Variants in VAPB observed in about 807,000 individuals in gnomAD.
VAPB encodes the protein vesicle-associated membrane protein-associated protein B/C.
VAPB carries 7 observed loss-of-function variants against 25.6 expected under a neutral mutation model. The observed-to-expected ratio is 0.27, with a 90% CI of 0.16 to 0.51. The LOEUF (loss-of-function observed/expected upper bound fraction) is 0.51, where lower values mean the gene tolerates loss of function less well. Ranked by LOEUF, VAPB falls within the 20% of genes least tolerant of loss-of-function variation. The probability of loss-of-function intolerance (pLI) is 0.97; values close to 1 mark genes in which losing one functional copy is unlikely to be tolerated. For missense variants in VAPB, 266 were observed against 301.3 expected, an observed-to-expected ratio of 0.88 and a Z score of 0.87; for synonymous variants, 112 against 109.2, an observed-to-expected ratio of 1.03 and a Z score of -0.16.
At position 58,445,283 on chromosome 20, in the gene VAPB, G is replaced by A. The variant is rs763602650; in HGVS notation, c.*1048G>A. ...CTCTCAACCATTACTCACACTTCCA[G>A]CGCCCAGGTCCAAGTCTGAGCCTGA... On this transcript the variant is annotated 3_prime_UTR_variant, in exon 6 of 6. Transcript: ENST00000475243. The A allele has an allele frequency of 4.4e-6, 2 of 454,310 alleles. No homozygotes were observed. The highest frequency in any genetic ancestry group is 8.8e-6 in the Non-Finnish European group (2 of 226,758). The allele number at this position is 454,310 out of a possible 1,614,324, so 28.1% of individuals were successfully genotyped here. A position where few individuals can be genotyped will look rare whatever the true frequency, so the allele number is the denominator to read the frequency against.
At chr20:58,392,396 A>T (rs1271997963) in intron 1 of VAPB, among the ~76,000 whole-genome samples, 1 of 152,210 alleles carries the variant, frequency 6.6e-6, no homozygotes, top group Non-Finnish European at 1.5e-5. Flanking sequence ...TATTTTTGCT[A>T]GGGAAGTGGT....
intron 2 of VAPB, 56 bp from the exon 3 acceptor site, chr20:58,434,546 T>C (rs1446069555): frequency 1.1e-6 from 1 of 872,094 alleles, no homozygotes; most frequent in Non-Finnish European, 2.0e-6. Flanking sequence ...ATTAGCATAA[T>C]AAATGGCACT....
chr20:58,440,436 G>A (rs1437825546), intron 4 of VAPB: 6 of 169,674 alleles, frequency 3.5e-5, no homozygotes. Flanking sequence ...CACTGAGTTT[G>A]TTTCACCTTC....
chr20:58,428,755 G>C (rs554394267), intron 2 of VAPB, among the ~76,000 whole-genome samples: 1 of 152,230 alleles, frequency 6.6e-6, no homozygotes, highest in Non-Finnish European at 1.5e-5. Flanking sequence ...GCAACATTCT[G>C]TCATGTTTTT....
intron 1 of VAPB, among the ~76,000 whole-genome samples, chr20:58,410,732 AT>A (rs1988357784): frequency 6.6e-6 from 1 of 152,012 alleles, no homozygotes; most frequent in African/African-American, 2.4e-5. Context: ...CCAACACCTT[AT>A]CTTTTTATTG....
Position 58,424,022 on chromosome 20 carries a change from A to G in VAPB, c.211+5659A>G, listed in dbSNP as rs530780889. 1.6e-4 allele frequency among the ~76,000 whole-genome samples: 25 copies of G among 152,328 alleles called. No individual in the cohort carries two copies. In the South Asian group the frequency reaches 2.3e-3, roughly 14 times the overall value. ...AAGAATTGTTACTTTTTTTGTGACT[A>G]TGACACAGTTTATTCTTTACATTTT... On this transcript the variant is annotated intron_variant, in intron 2 of 5. Coordinates refer to ENST00000475243, the MANE Select transcript of VAPB (RefSeq NM_004738.5).
At chr20:58,398,717 C>T (rs1221816321) in intron 1 of VAPB, among the ~76,000 whole-genome samples, 2 of 152,148 alleles carry the variant, frequency 1.3e-5, no homozygotes, top group South Asian at 2.1e-4. Flanking sequence ...TTTTTCTAAG[C>T]GTTCATTTAT....
rs549913295 is a variant in VAPB, at chr20:58,447,630, G to C, written c.*3395G>C. 9 of 451,452 alleles carry C rather than the reference G, an allele frequency of 2.0e-5. No individual in the cohort carries two copies. The highest frequency in any genetic ancestry group is 1.8e-4 in the African/African-American group (9 of 48,968). The allele number at this position is 451,452 out of a possible 1,614,324, so 28.0% of individuals were successfully genotyped here. ...GAGCTCAGAGCTACAGAGCCTTTCAGATGAATTTGAAAACAGACTCTGTGT... is the reference window on the plus strand; with the variant it reads ...GAGCTCAGAGCTACAGAGCCTTTCACATGAATTTGAAAACAGACTCTGTGT... On this transcript the variant is annotated 3_prime_UTR_variant, in exon 6 of 6. Coordinates refer to ENST00000475243, the MANE Select transcript of VAPB (RefSeq NM_004738.5).
intron 2 of VAPB, among the ~76,000 whole-genome samples, chr20:58,424,665 A>AC (rs1347233572): frequency 6.6e-6 from 1 of 152,254 alleles, no homozygotes; most frequent in African/African-American, 2.4e-5. Flanking sequence ...TATTTATAAA[A>AC]AAGAGTGAAT....
chr20:58,397,376 G>A (rs1235826869), intron 1 of VAPB, among the ~76,000 whole-genome samples: 3 of 151,974 alleles, frequency 2.0e-5, no homozygotes, highest in Non-Finnish European at 2.9e-5. Flanking sequence ...AAAATTAGCC[G>A]GGCATGGTAG....
At chr20:58,409,317 T>C (rs547650233) in intron 1 of VAPB, among the ~76,000 whole-genome samples, 80 of 152,346 alleles carry the variant, frequency 5.3e-4, no homozygotes, top group African/African-American at 1.9e-3. Context: ...ATAGGATACT[T>C]TTTAATGTAA....
chr20:58,447,758 T>G lies in VAPB; in HGVS notation c.*3523T>G, dbSNP rs1568724726. 2.2e-6 allele frequency: 1 copy of G among 453,886 alleles called. No individual in the cohort carries two copies. The highest frequency in any genetic ancestry group is 4.4e-6 in the Non-Finnish European group (1 of 226,548). 28.1% of individuals were successfully genotyped at this position (453,886 alleles called of 1,614,324 possible). On this transcript the variant is annotated 3_prime_UTR_variant, in exon 6 of 6. Coordinates refer to ENST00000475243, the MANE Select transcript of VAPB (RefSeq NM_004738.5). Reference sequence around the variant, plus strand: ...TATATTTTTTTGCATACACAAATTTTTGTGTTTGCAAACTCAGAATCCATG... The same window carrying G: ...TATATTTTTTTGCATACACAAATTTGTGTGTTTGCAAACTCAGAATCCATG...
intron 2 of VAPB, among the ~76,000 whole-genome samples, chr20:58,434,341 GA>G (rs1191981111): frequency 6.6e-6 from 1 of 152,162 alleles, no homozygotes; most frequent in Non-Finnish European, 1.5e-5. Context: ...TTGCAGTAGT[GA>G]AAGATCCATG....
intron 1 of VAPB, among the ~76,000 whole-genome samples, chr20:58,416,144 G>T (rs1214055833): frequency 6.6e-6 from 1 of 152,110 alleles, no homozygotes; most frequent in Non-Finnish European, 1.5e-5. Context: ...AGAAATCTGG[G>T]ATGTTTATTT....
At position 58,418,551 on chromosome 20, in the gene VAPB, G is replaced by T. The variant is rs990062295; in HGVS notation, c.211+188G>T. 4.6e-4 allele frequency among the ~76,000 whole-genome samples: 59 copies of T among 128,790 alleles called. No homozygotes were observed. In the Admixed American group the frequency reaches 5.5e-3, roughly 12 times the overall value. The allele number at this position is 128,790 out of a possible 152,430, so 84.5% of individuals were successfully genotyped here. A position where few individuals can be genotyped will look rare whatever the true frequency, so the allele number is the denominator to read the frequency against. ...TCAGAAAGCTGGGTCCCAGTCGCCT[G>T]TTTTTTTCATAATTAATGCCTCCTT... On this transcript the variant is annotated intron_variant, in intron 2 of 5. Transcript: ENST00000475243.
intron 1 of VAPB, among the ~76,000 whole-genome samples, chr20:58,393,784 G>C (rs1272979131): frequency 6.6e-6 from 1 of 152,120 alleles, no homozygotes; most frequent in African/African-American, 2.4e-5. Flanking sequence ...TCAGGCTGGA[G>C]TGCAATGGCG....
At position 58,444,180 on chromosome 20, in the gene VAPB, C is replaced by T. The variant is rs2123105103; in HGVS notation, c.677C>T (p.Ala226Val). The T allele has an allele frequency of 6.2e-7, 1 of 1,614,188 alleles. No individual in the cohort carries two copies. The highest frequency in any genetic ancestry group is 8.5e-7 in the Non-Finnish European group (1 of 1,180,044). ...GAAGGCCTTAGCACCCGGCTCTTGGCTCTGGTGGTTTTGTTCTTTATCGTT... is the reference window on the plus strand; with the variant it reads ...GAAGGCCTTAGCACCCGGCTCTTGGTTCTGGTGGTTTTGTTCTTTATCGTT... ...KEEGLSTRLLALVVLFFIVGV... is the reference protein window; with the variant it reads ...KEEGLSTRLLVLVVLFFIVGV... The change falls in exon 6 of 6, where the codon GCT becomes GTT. Residue 226 changes from alanine to valine, a missense_variant. This residue lies in a region of VAPB where 136 missense variants were observed against 130.7 expected (regional missense o/e 1.04). Coordinates refer to ENST00000475243, the MANE Select transcript of VAPB (RefSeq NM_004738.5).
chr20:58,443,165 C>T (rs530351710), intron 5 of VAPB, among the ~76,000 whole-genome samples: 10 of 151,886 alleles, frequency 6.6e-5, no homozygotes, highest in African/African-American at 2.4e-4. Context: ...AGTTTGGGGA[C>T]AAGGGGAGGG....
Position 58,449,802 on chromosome 20 carries a change from T to G in VAPB, c.*5567T>G, listed in dbSNP as rs1989393073. ...TGTGGGTGCAGGACAGATGCTCGCT[T>G]GCTGGCCTGCTTTCCTGCTTGCATT... On this transcript the variant is annotated 3_prime_UTR_variant, in exon 6 of 6. Transcript: ENST00000475243. The G allele has an allele frequency of 2.2e-6, 1 of 454,012 alleles. No individual in the cohort carries two copies. The highest frequency in any genetic ancestry group is 2.0e-5 in the African/African-American group (1 of 50,028). 28.1% of individuals were successfully genotyped at this position (454,012 alleles called of 1,614,324 possible).
Sources: gnomAD v4.1 joint callset for allele counts (sites outside exome capture counted in the v4.1 genomes callset) on GRCh38, gnomAD v4.1.1 for gene constraint, gnomAD v4.1.1 regional missense constraint, MANE v1.5 for transcripts, NCBI Gene and HGNC (gene_info 2026-07-23, HGNC 2026-07-21) for gene names.